SPTBN1: variants seen among roughly 807,000 people sequenced by gnomAD.
SPTBN1 encodes spectrin beta, non-erythrocytic 1, also known as spectrin beta chain, non-erythrocytic 1.
In SPTBN1, 32 loss-of-function variants were observed where a neutral mutation model predicts 266.4. The observed-to-expected ratio is 0.12, with a 90% CI of 0.09 to 0.16. SPTBN1 has a LOEUF of 0.16. Among genes scored for constraint, SPTBN1 ranks in the 10% least tolerant of loss-of-function variants. SPTBN1 has a pLI of 1.00. For missense variants in SPTBN1, 2,296 were observed against 3,067.1 expected (o/e 0.75, Z 5.94); for synonymous variants, 1,336 against 1,162.2 (o/e 1.15, Z -3.04).
chr2:54,541,281 G>A (rs1671920964), intron 2 of SPTBN1, among the ~76,000 whole-genome samples: 1 of 152,186 alleles, frequency 6.6e-6, no homozygotes, highest in Non-Finnish European at 1.5e-5. Flanking sequence ...TGTGCTTCCA[G>A]CATTTGCCCT....
chr2:54,620,604 A>G (rs1009304324), intron 7 of SPTBN1, among the ~76,000 whole-genome samples: 7 of 152,158 alleles, frequency 4.6e-5, no homozygotes, highest in Non-Finnish European at 8.8e-5. Flanking sequence ...AGCTATAATC[A>G]TGTCACGGCA....
At chr2:54,608,714 G>A (rs1038247694) in intron 3 of SPTBN1, among the ~76,000 whole-genome samples, 1 of 151,274 alleles carries the variant, frequency 6.6e-6, no homozygotes, top group African/African-American at 2.4e-5. Context: ...GTGCGCGCAT[G>A]CACACACACA....
At chr2:54,517,944 TTG>T (rs1241022498) in intron 1 of SPTBN1, among the ~76,000 whole-genome samples, 2 of 81,388 alleles carry the variant, frequency 2.5e-5, no homozygotes, top group African/African-American at 7.0e-5. Context: ...GTGCCTGGTA[TTG>T]TTTTTTTTTT....
At chr2:54,473,117 T>G (rs1246540915) in intron 1 of SPTBN1, among the ~76,000 whole-genome samples, 2 of 152,224 alleles carry the variant, frequency 1.3e-5, no homozygotes, top group African/African-American at 4.8e-5. Context: ...AATTTTGCTT[T>G]GTCACTTTCC....
intron 27 of SPTBN1, among the ~76,000 whole-genome samples, chr2:54,654,411 A>C (rs1336009240): frequency 6.6e-6 from 1 of 152,200 alleles, no homozygotes; most frequent in African/African-American, 2.4e-5. Flanking sequence ...ATAGAGGAAC[A>C]CACAGGTACA....
intron 2 of SPTBN1, 183 bp downstream of exon 2, chr2:54,526,749 C>T: frequency 1.5e-6 from 1 of 666,238 alleles, no homozygotes; most frequent in South Asian, 3.6e-5. Flanking sequence ...GGAGAGCTGT[C>T]AACTCTAATG....
chr2:54,578,477 G>T (rs776771122), intron 2 of SPTBN1, among the ~76,000 whole-genome samples: 17 of 152,294 alleles, frequency 1.1e-4, no homozygotes, highest in South Asian at 2.1e-4. Context: ...TGCTGCTGCT[G>T]CCAAGTATAA....
chr2:54,638,920 A>G (rs1679343591), intron 18 of SPTBN1, among the ~76,000 whole-genome samples: 3 of 152,234 alleles, frequency 2.0e-5, no homozygotes, highest in African/African-American at 7.2e-5. Context: ...GTATGACAGA[A>G]GCAATCCTTT....
intron 2 of SPTBN1, among the ~76,000 whole-genome samples, chr2:54,592,487 C>T (rs995086647): frequency 2.6e-5 from 4 of 151,954 alleles, no homozygotes; most frequent in Non-Finnish European, 4.4e-5. Flanking sequence ...CGGGTTCAAA[C>T]GATTCTCCTG....
chr2:54,461,584 G>A (rs1375845106), intron 1 of SPTBN1, among the ~76,000 whole-genome samples: 2 of 152,226 alleles, frequency 1.3e-5, no homozygotes, highest in Admixed American at 1.3e-4. Context: ...AAGTGTTACA[G>A]TTCCAAAGCC....
chr2:54,504,829 TAAAGTAA>T (rs1669470082), intron 1 of SPTBN1, among the ~76,000 whole-genome samples: 1 of 152,172 alleles, frequency 6.6e-6, no homozygotes, highest in Admixed American at 6.5e-5. Flanking sequence ...AATTCCCAAA[TAAAGTAA>T]TTGGTTTAGT....
intron 3 of SPTBN1, among the ~76,000 whole-genome samples, chr2:54,601,414 A>C (rs1676491497): frequency 6.6e-6 from 1 of 152,194 alleles, no homozygotes; most frequent in Non-Finnish European, 1.5e-5. Flanking sequence ...CACACCACAC[A>C]CTGCCTTTGG....
rs118033371 is a variant in SPTBN1, at chr2:54,635,014, C to T, written c.3767+2246C>T. Reference sequence around the variant, plus strand: ...CATAAAGCAAGACCCTGTCTCACACCGGAAAACAGGCTCAGAAGTTACCCA... The same window carrying T: ...CATAAAGCAAGACCCTGTCTCACACTGGAAAACAGGCTCAGAAGTTACCCA... On this transcript the variant is annotated intron_variant, in intron 17 of 35. Transcript: ENST00000356805. Among the ~76,000 whole-genome samples the T allele has an allele frequency of 8.9e-3, 1,359 of 152,312 alleles. 17 individuals are homozygous for T. The highest frequency in any genetic ancestry group is 0.062 in the South Asian group (301 of 4,824).
At chr2:54,587,110 T>C (rs559855954) in intron 2 of SPTBN1, among the ~76,000 whole-genome samples, 9 of 152,308 alleles carry the variant, frequency 5.9e-5, no homozygotes, top group African/African-American at 2.2e-4. Flanking sequence ...ACTTTTTGTG[T>C]ATATTGCATG....
intron 2 of SPTBN1, among the ~76,000 whole-genome samples, chr2:54,592,367 A>C (rs946662826): frequency 8.8e-6 from 1 of 114,150 alleles, no homozygotes. Context: ...TAAATATTTC[A>C]TACTTTTTTT....
intron 1 of SPTBN1, among the ~76,000 whole-genome samples, chr2:54,473,196 C>G (rs1694012568): frequency 6.6e-6 from 1 of 152,086 alleles, no homozygotes; most frequent in African/African-American, 2.4e-5. Flanking sequence ...ATGTAAGTGC[C>G]TTATACAGAG....
At chr2:54,652,322 T>A (rs1680353901) in intron 26 of SPTBN1, among the ~76,000 whole-genome samples, 3 of 152,254 alleles carry the variant, frequency 2.0e-5, no homozygotes. Context: ...AATGTAATCT[T>A]ATTTTTGTTT....
intron 2 of SPTBN1, among the ~76,000 whole-genome samples, chr2:54,591,198 T>C (rs984084969): frequency 6.6e-6 from 1 of 152,232 alleles, no homozygotes; most frequent in African/African-American, 2.4e-5. Flanking sequence ...AGGTAAAGTA[T>C]GCACTTTGTA....
rs748801644 is a variant in SPTBN1 at position 54,622,374 on chromosome 2, G to T, written c.951G>T (p.Trp317Cys). ...YESLASDLLE[W>C]IEQTIIILNN... ...CACTTGCCTCTGACCTTCTGGAATGGATTGAACAAACCATCATCATTCTGA... is the reference window on the plus strand; with the variant it reads ...CACTTGCCTCTGACCTTCTGGAATGTATTGAACAAACCATCATCATTCTGA... Residue 317 changes from tryptophan (W) to cysteine (C), a missense_variant, in exon 9 of 36, where the codon TGG becomes TGT. Physicochemically the swap from Trp to Cys is radical, Grantham distance 215. Transcript: ENST00000356805. 1 of 1,614,204 alleles carries T rather than the reference G, an allele frequency of 6.2e-7. No homozygotes were observed. The highest frequency in any genetic ancestry group is 8.5e-7 in the Non-Finnish European group (1 of 1,180,040).
Sources: allele counts gnomAD v4.1 joint callset (sites outside exome capture counted in the v4.1 genomes callset), GRCh38; gene constraint gnomAD v4.1.1; transcripts MANE v1.5; gene names NCBI Gene and HGNC (gene_info 2026-07-23, HGNC 2026-07-21).